The following ARHGEF28 variants were observed in gnomAD, a reference collection of about 807,000 sequenced individuals.
ARHGEF28 encodes 190 kDa guanine nucleotide exchange factor.
Under a neutral mutation model 206.6 loss-of-function variants are expected in ARHGEF28, and 152 were observed. The observed-to-expected ratio is 0.74, with a 90% CI of 0.64 to 0.84. The LOEUF is 0.84. Ranked by LOEUF, ARHGEF28 falls within the 40% of genes least tolerant of loss-of-function variation. ARHGEF28 has a pLI of 0.00. For missense variants in ARHGEF28, 2,028 were observed against 2,073.2 expected (o/e 0.98, Z 0.42); for synonymous variants, 763 against 776.4 (o/e 0.98, Z 0.29).
chr5:73,758,600 G>A (rs1752436264), intron 4 of ARHGEF28, among the ~76,000 whole-genome samples: 1 of 152,002 alleles, frequency 6.6e-6, no homozygotes, highest in South Asian at 2.1e-4. Context: ...CTGTTGCCCA[G>A]GCTGGAGTGC....
intron 4 of ARHGEF28, among the ~76,000 whole-genome samples, chr5:73,768,944 C>T (rs1021354295): frequency 6.6e-5 from 10 of 151,986 alleles, no homozygotes; most frequent in South Asian, 2.1e-4. Flanking sequence ...ATGAGGCTCA[C>T]GAGATCTGAT....
At chr5:73,810,871 T>A (rs1051903570) in intron 9 of ARHGEF28, among the ~76,000 whole-genome samples, 1 of 152,196 alleles carries the variant, frequency 6.6e-6, no homozygotes, top group African/African-American at 2.4e-5. Flanking sequence ...CCCTATAGAT[T>A]GTATTACTTT....
At chr5:73,892,940 G>T (rs1761734685) in intron 27 of ARHGEF28, among the ~76,000 whole-genome samples, 1 of 152,070 alleles carries the variant, frequency 6.6e-6, no homozygotes, top group Non-Finnish European at 1.5e-5. Flanking sequence ...GGTGTGTGTG[G>T]TGAGTGTATG....
chr5:73,686,132 ACTCT>A (rs1041391033), intron 2 of ARHGEF28, among the ~76,000 whole-genome samples: 2 of 151,704 alleles, frequency 1.3e-5, no homozygotes, highest in African/African-American at 4.9e-5. Flanking sequence ...GATCTCTAGT[ACTCT>A]CTCTAGGTTG....
At chr5:73,839,991 C>T (rs1023564346) in intron 10 of ARHGEF28, among the ~76,000 whole-genome samples, 6 of 152,062 alleles carry the variant, frequency 3.9e-5, no homozygotes, top group Admixed American at 3.9e-4. Flanking sequence ...GTCAGTGGTT[C>T]ATAAAATGTT....
chr5:73,805,827 A>G (rs1012445677), intron 9 of ARHGEF28, among the ~76,000 whole-genome samples: 1 of 152,180 alleles, frequency 6.6e-6, no homozygotes, highest in East Asian at 1.9e-4. Flanking sequence ...AGTGCCTAGA[A>G]GGAACCACAC....
intron 35 of ARHGEF28, among the ~76,000 whole-genome samples, chr5:73,936,414 T>C (rs1399033879): frequency 1.3e-5 from 2 of 152,256 alleles, no homozygotes; most frequent in Non-Finnish European, 2.9e-5. Flanking sequence ...AAATGCTGCA[T>C]ACTGCATTTC....
In ARHGEF28 at chr5:73,887,661, A is replaced by G. The variant is rs760321470; in HGVS notation, c.3369A>G (p.Lys1123=). ...TCTTTTTACAAGAAAAAGACCAGAA[A>G]TACATCTTTGCAGCCGTTGTAAGTA... is the stretch of plus-strand genomic sequence containing the variant. The part of the protein sequence containing the change: ...VLLFLQEKDQ[K]YIFAAVDQKP... Residue 1123 remains lysine, a synonymous_variant, in exon 26 of 36, where the codon AAA becomes AAG. Transcript: ENST00000513042. The G allele has an allele frequency of 2.5e-6, 4 of 1,573,060 alleles. No homozygotes were observed. The highest frequency in any genetic ancestry group is 2.3e-5 in the East Asian group (1 of 43,796).
chr5:73,830,438 T>C (rs1437084659), intron 9 of ARHGEF28, among the ~76,000 whole-genome samples: 1 of 151,336 alleles, frequency 6.6e-6, no homozygotes, highest in Non-Finnish European at 1.5e-5. Flanking sequence ...CCTGTAGTCC[T>C]AGCAACTTAG....
At chr5:73,782,425 G>A (rs954304039) in intron 7 of ARHGEF28, among the ~76,000 whole-genome samples, 2 of 152,080 alleles carry the variant, frequency 1.3e-5, no homozygotes, top group African/African-American at 2.4e-5. Flanking sequence ...GTGACACAGT[G>A]AGACTCCATC....
intron 1 of ARHGEF28, among the ~76,000 whole-genome samples, chr5:73,650,573 G>A (rs747257518): frequency 2.2e-4 from 33 of 152,002 alleles, no homozygotes; most frequent in Non-Finnish European, 3.5e-4. Flanking sequence ...GTGAGCCACC[G>A]CGCCCAGCTG....
intron 11 of ARHGEF28, among the ~76,000 whole-genome samples, chr5:73,844,675 A>C (rs1379135887): frequency 1.4e-5 from 2 of 145,658 alleles, no homozygotes; most frequent in African/African-American, 2.5e-5. Context: ...AAACAGGTTA[A>C]TTCAAAGTTT....
chr5:73,630,934 T>A (rs1743328682), intron 1 of ARHGEF28, among the ~76,000 whole-genome samples: 1 of 152,248 alleles, frequency 6.6e-6, no homozygotes, highest in East Asian at 1.9e-4. Context: ...GAGCTGTCAC[T>A]CTTATTCCTT....
At chr5:73,667,131 A>G (rs929755462) in intron 1 of ARHGEF28, among the ~76,000 whole-genome samples, 2 of 149,392 alleles carry the variant, frequency 1.3e-5, no homozygotes, top group Non-Finnish European at 3.0e-5. Context: ...CCTTGAGGAA[A>G]GAAAACCTCA....
At chr5:73,687,299 T>A (rs1218063942) in intron 2 of ARHGEF28, among the ~76,000 whole-genome samples, 3 of 152,054 alleles carry the variant, frequency 2.0e-5, no homozygotes, top group Non-Finnish European at 2.9e-5. Flanking sequence ...AAAAATTACA[T>A]CCTAGTTGGC....
At chr5:73,825,571 C>T (rs919622312) in intron 9 of ARHGEF28, among the ~76,000 whole-genome samples, 4 of 152,224 alleles carry the variant, frequency 2.6e-5, no homozygotes, top group East Asian at 1.9e-4. Flanking sequence ...TGACGTGACT[C>T]GATTTCCTTT....
intron 2 of ARHGEF28, among the ~76,000 whole-genome samples, chr5:73,740,888 G>C (rs1192701825): frequency 6.6e-6 from 1 of 152,128 alleles, no homozygotes; most frequent in Admixed American, 6.5e-5. Context: ...GATGCTAGTG[G>C]ATTATTGATT....
chr5:73,823,856 G>T (rs577693487), intron 9 of ARHGEF28, among the ~76,000 whole-genome samples: 1 of 152,334 alleles, frequency 6.6e-6, no homozygotes, highest in East Asian at 1.9e-4. Context: ...GTGCCCTTGG[G>T]AAGTTACTTA....
At chr5:73,627,165 G>A (rs144513161) in intron 1 of ARHGEF28, 35 of 152,392 alleles carry the variant, frequency 2.3e-4, no homozygotes, top group African/African-American at 8.4e-4. Flanking sequence ...GAGGAACAGT[G>A]GCAACATCTG....
Sources: gnomAD v4.1 joint callset for allele counts (sites outside exome capture counted in the v4.1 genomes callset) on GRCh38, gnomAD v4.1.1 for gene constraint, MANE v1.5 for transcripts, NCBI Gene and HGNC (gene_info 2026-07-23, HGNC 2026-07-21) for gene names.